ESYT2: variants seen among roughly 807,000 people sequenced by gnomAD.
The protein encoded by ESYT2 is extended synaptotagmin-2.
Under a neutral mutation model 107.2 loss-of-function variants are expected in ESYT2, and 54 were observed. The ratio of observed to expected loss-of-function variants is 0.50; its 90% CI spans 0.40 to 0.63. The LOEUF is 0.63. Among genes scored for constraint, ESYT2 ranks in the 30% least tolerant of loss-of-function variants. The pLI, the probability that ESYT2 is intolerant of heterozygous loss-of-function variation, is 0.00. For synonymous variants in ESYT2, 491 were observed against 434.1 expected (o/e 1.13, Z -1.63); for missense variants, 1,020 against 1,094.5 (o/e 0.93, Z 0.96).
intron 6 of ESYT2, among the ~76,000 whole-genome samples, chr7:158,774,319 A>C (rs1838475336): frequency 6.6e-6 from 1 of 152,238 alleles, no homozygotes; most frequent in Admixed American, 6.5e-5. Flanking sequence ...ACAATTTTTA[A>C]GATCCTGAAA....
At chr7:158,796,767 C>T (rs1710391076) in intron 3 of ESYT2, among the ~76,000 whole-genome samples, 1 of 151,826 alleles carries the variant, frequency 6.6e-6, no homozygotes, top group Non-Finnish European at 1.5e-5. Flanking sequence ...CCAGGAGAGA[C>T]GGGAAAAGGC....
chr7:158,762,188 C>T (rs1837993712), intron 10 of ESYT2, among the ~76,000 whole-genome samples: 1 of 152,112 alleles, frequency 6.6e-6, no homozygotes, highest in African/African-American at 2.4e-5. Context: ...GATTATACTC[C>T]CACTTCTTCT....
intron 1 of ESYT2, among the ~76,000 whole-genome samples, chr7:158,810,737 C>T (rs1563036126): frequency 6.6e-6 from 1 of 151,832 alleles, no homozygotes; most frequent in South Asian, 2.1e-4. Flanking sequence ...ATTTCATTTA[C>T]ATGGGATGTC....
intron 1 of ESYT2, among the ~76,000 whole-genome samples, chr7:158,814,342 T>A (rs1189886875): frequency 0.028 from 74 of 2,610 alleles, 5 homozygotes; most frequent in African/African-American, 0.078. Flanking sequence ...TATATATATA[T>A]ATATGAAATA....
rs540342385 is a variant in ESYT2 at position 158,788,144 on chromosome 7, C to A, written c.658-51G>T. ...ATGTAATAGAAAACATTCTGCAGGGCCGCTTAACGCAAGGAGTTTGCATGC... is the reference window on the plus strand; with the variant it reads ...ATGTAATAGAAAACATTCTGCAGGGACGCTTAACGCAAGGAGTTTGCATGC... On this transcript the variant is annotated intron_variant, in intron 5 of 22. Transcript: ENST00000275418. 3 of 1,474,214 alleles carry A rather than the reference C, an allele frequency of 2.0e-6. No individual in the cohort carries two copies. The African/African-American group carries it at 4.2e-5, about 20-fold the overall frequency. 91.3% of individuals were successfully genotyped at this position (1,474,214 alleles called of 1,614,324 possible).
At chr7:158,770,315 C>T (rs1030639729) in intron 7 of ESYT2, among the ~76,000 whole-genome samples, 3 of 80,794 alleles carry the variant, frequency 3.7e-5, no homozygotes, top group Non-Finnish European at 1.1e-4. Flanking sequence ...TAGTACATAA[C>T]ATTTATGTAA....
intron 9 of ESYT2, among the ~76,000 whole-genome samples, chr7:158,763,948 C>G (rs972835344): frequency 6.6e-6 from 1 of 152,124 alleles, no homozygotes; most frequent in South Asian, 2.1e-4. Context: ...GGAGAGGAGT[C>G]GTACGGTGAA....
chr7:158,742,112 G>C (rs1302606287), intron 17 of ESYT2, among the ~76,000 whole-genome samples: 1 of 152,136 alleles, frequency 6.6e-6, no homozygotes, highest in East Asian at 1.9e-4. Flanking sequence ...AGCTGCACAG[G>C]CCAGAGTGCT....
At chr7:158,793,764 TAAA>T in intron 3 of ESYT2, 38 bp from the exon 4 acceptor site, 1 of 1,277,024 alleles carries the variant, frequency 7.8e-7, no homozygotes, top group Non-Finnish European at 1.1e-6. Flanking sequence ...ATACAGAGGT[TAAA>T]AAAAAAAATC....
chr7:158,752,131 C>G (rs148262495), intron 14 of ESYT2, among the ~76,000 whole-genome samples: 135 of 152,226 alleles, frequency 8.9e-4, no homozygotes, highest in African/African-American at 2.8e-3. Context: ...TTCCCCACCT[C>G]TCCCTAAAAT....
At chr7:158,744,657 C>T in intron 16 of ESYT2, among the ~76,000 whole-genome samples, 1 of 152,180 alleles carries the variant, frequency 6.6e-6, no homozygotes, top group East Asian at 1.9e-4. Context: ...AGCCACCATG[C>T]CCAGCCTCTT....
chr7:158,812,108 C>T lies in ESYT2; in HGVS notation c.331-13036G>A, dbSNP rs942636183. Among the ~76,000 whole-genome samples, 23 of 152,344 alleles carry T rather than the reference C, an allele frequency of 1.5e-4. 1 individual carries two copies. In the South Asian group the frequency reaches 1.7e-3, roughly 11 times the overall value. On this transcript the variant is annotated intron_variant, in intron 1 of 22. Transcript: ENST00000275418. The stretch of plus-strand genomic sequence containing the variant: ...GCAGCCACAGCTTCCCCCTGCCACA[C>T]AGCCACAGGCCGGCTCAGACCCACC...
intron 1 of ESYT2, among the ~76,000 whole-genome samples, chr7:158,804,570 C>A (rs1839765870): frequency 6.6e-6 from 1 of 150,628 alleles, no homozygotes. Flanking sequence ...GTGTGATAAA[C>A]CCAAACTGCC....
intron 6 of ESYT2, 104 bp from the exon 7 acceptor site, chr7:158,773,500 AAC>A: frequency 9.5e-7 from 1 of 1,048,984 alleles, no homozygotes; most frequent in South Asian, 1.4e-5. Context: ...GTTAGTACAC[AAC>A]ACAGACCCAC....
At chr7:158,759,978 G>T in intron 12 of ESYT2, 80 bp downstream of exon 12, 1 of 1,265,560 alleles carries the variant, frequency 7.9e-7, no homozygotes, top group Non-Finnish European at 1.1e-6. Context: ...AAATCAAGTA[G>T]CAACACAACT....
At chr7:158,791,465 A>G (rs1839292100) in intron 4 of ESYT2, among the ~76,000 whole-genome samples, 1 of 152,188 alleles carries the variant, frequency 6.6e-6, no homozygotes, top group African/African-American at 2.4e-5. Flanking sequence ...TCTGGATCAC[A>G]TGGTAATTTT....
intron 1 of ESYT2, among the ~76,000 whole-genome samples, chr7:158,827,904 G>A (rs1231685159): frequency 6.6e-6 from 1 of 152,176 alleles, no homozygotes; most frequent in Non-Finnish European, 1.5e-5. Flanking sequence ...GGCTAAGAAA[G>A]AATTAGGGAA....
At chr7:158,751,083 T>C (rs934089277) in intron 14 of ESYT2, among the ~76,000 whole-genome samples, 4 of 152,226 alleles carry the variant, frequency 2.6e-5, no homozygotes, top group Non-Finnish European at 4.4e-5. Context: ...TATACTTTTT[T>C]TTCCCCAATT....
intron 1 of ESYT2, among the ~76,000 whole-genome samples, chr7:158,804,430 C>T (rs1839754964): frequency 6.8e-6 from 1 of 148,026 alleles, no homozygotes; most frequent in African/African-American, 2.5e-5. Flanking sequence ...ACGTGACAAA[C>T]CCAAACTGCC....
Sources: gnomAD v4.1 joint callset for allele counts (sites outside exome capture counted in the v4.1 genomes callset) on GRCh38, gnomAD v4.1.1 for gene constraint, MANE v1.5 for transcripts, NCBI Gene and HGNC (gene_info 2026-07-23, HGNC 2026-07-21) for gene names.